The following CNKSR2 variants were observed in gnomAD, a reference collection of about 807,000 sequenced individuals.
The protein encoded by CNKSR2 is CNK homolog protein 2.
In CNKSR2, 14 loss-of-function variants were observed where a neutral mutation model predicts 84.4. The observed-to-expected ratio is 0.17, with a 90% CI of 0.11 to 0.26. The LOEUF is 0.26. Among genes scored for constraint, CNKSR2 ranks in the 10% least tolerant of loss-of-function variants. The pLI is 1.00. For synonymous variants in CNKSR2, 275 were observed against 277.9 expected, an observed-to-expected ratio of 0.99 and a Z score of 0.10; for missense variants, 485 against 771.2, an observed-to-expected ratio of 0.63 and a Z score of 4.40.
chrX:21,571,446 T>A (rs1436262303), intron 13 of CNKSR2, among the ~76,000 whole-genome samples: 1 of 112,084 alleles, frequency 8.9e-6, no homozygotes, highest in Non-Finnish European at 1.9e-5. Flanking sequence ...CCACTGCTAA[T>A]ATTACTAATA....
chrX:21,377,086 G>A (rs113631917), intron 1 of CNKSR2, among the ~76,000 whole-genome samples: 6 of 111,795 alleles, frequency 5.4e-5, no homozygotes, highest in African/African-American at 1.6e-4. Flanking sequence ...TGTTGGTGAC[G>A]CATTTTAGAG....
intron 20 of CNKSR2, among the ~76,000 whole-genome samples, chrX:21,636,076 A>G (rs2092671459): frequency 1.8e-5 from 2 of 111,375 alleles, no homozygotes; most frequent in Non-Finnish European, 3.8e-5. Context: ...GGAAATAGGC[A>G]AGAAAACTAT....
intron 6 of CNKSR2, chrX:21,493,847 T>C (rs1490234795): frequency 2.7e-5 from 3 of 111,873 alleles, no homozygotes; most frequent in Non-Finnish European, 3.8e-5. Context: ...GAAGTCAGTT[T>C]TGATTATTAA....
At chrX:21,586,028 A>G (rs1190939412) in intron 13 of CNKSR2, among the ~76,000 whole-genome samples, 1 of 111,224 alleles carries the variant, frequency 9.0e-6, no homozygotes, top group Non-Finnish European at 1.9e-5. Flanking sequence ...AATAAAAGAT[A>G]TGGTCATGGT....
intron 11 of CNKSR2, among the ~76,000 whole-genome samples, chrX:21,539,290 A>T (rs895768930): frequency 4.5e-5 from 5 of 110,679 alleles, no homozygotes; most frequent in Non-Finnish European, 7.6e-5. Flanking sequence ...TCTATTGTTG[A>T]AGTTCTCAGT....
intron 1 of CNKSR2, among the ~76,000 whole-genome samples, chrX:21,375,335 C>G (rs1425904859): frequency 1.8e-5 from 2 of 112,713 alleles, no homozygotes; most frequent in Admixed American, 1.8e-4. Flanking sequence ...GGACCTGCTC[C>G]CCTGGTCGCC....
intron 9 of CNKSR2, among the ~76,000 whole-genome samples, chrX:21,520,852 TCTC>T (rs2091776341): frequency 9.1e-6 from 1 of 110,447 alleles, no homozygotes; most frequent in African/African-American, 3.3e-5. Context: ...TTTATAAATC[TCTC>T]ATTTTGCTGC....
intron 4 of CNKSR2, among the ~76,000 whole-genome samples, chrX:21,460,425 G>A (rs1269411398): frequency 4.5e-5 from 5 of 110,860 alleles, no homozygotes; most frequent in Admixed American, 9.6e-5. Flanking sequence ...TTGTGGATAC[G>A]TAGTAAGCAT....
At position 21,380,984 on chromosome X, in the gene CNKSR2, C is replaced by G. The variant is rs377310599; in HGVS notation, c.64+6023C>G. Among the ~76,000 whole-genome samples, 332 of 111,703 alleles carry G rather than the reference C, an allele frequency of 3.0e-3. 2 individuals are homozygous for G. The highest frequency in any genetic ancestry group is 0.014 in the South Asian group (37 of 2,669). On this transcript the variant is annotated intron_variant, in intron 1 of 21. Transcript: ENST00000379510. ...TTATTGTTTAGTGTCTGATTAAAAA[C>G]AGCAAGTATAGTCTTCAATGTGGAA...
At chrX:21,588,189 A>G (rs985563608) in intron 13 of CNKSR2, among the ~76,000 whole-genome samples, 1 of 112,217 alleles carries the variant, frequency 8.9e-6, no homozygotes, top group African/African-American at 3.2e-5. Context: ...AGGCAAGTGA[A>G]TAATCAGTGC....
At chrX:21,561,291 T>C (rs2092186430) in intron 11 of CNKSR2, among the ~76,000 whole-genome samples, 180 bp from the exon 12 acceptor site, 1 of 111,232 alleles carries the variant, frequency 9.0e-6, no homozygotes, top group Admixed American at 9.6e-5. Context: ...CTTTATCACC[T>C]GGCCAATAGG....
chrX:21,397,966 C>T (rs1019468953), intron 1 of CNKSR2, among the ~76,000 whole-genome samples: 1 of 111,579 alleles, frequency 9.0e-6, no homozygotes, highest in African/African-American at 3.3e-5. Context: ...TTGATGTCCT[C>T]CTTTTGTACC....
intron 7 of CNKSR2, 163 bp from the exon 8 acceptor site, chrX:21,501,357 G>C (rs2091558116): frequency 3.3e-6 from 1 of 301,061 alleles, no homozygotes; most frequent in Non-Finnish European, 6.0e-6. Context: ...GGTAAAAACA[G>C]TGTATTAAAT....
rs181760809 is a variant in CNKSR2 at position 21,392,018 on chromosome X, T to A, written c.64+17057T>A. On this transcript the variant is annotated intron_variant, in intron 1 of 21. Coordinates refer to ENST00000379510, the MANE Select transcript of CNKSR2 (RefSeq NM_014927.5). ...GAGCAGGGGCATAATGCTGCCAGTC[T>A]CCTTGGTAAAGCATTGCAAGAGTGA... 1.1e-4 allele frequency among the ~76,000 whole-genome samples: 12 copies of A among 112,213 alleles called. No individual in the cohort carries two copies. In the East Asian group the frequency reaches 2.3e-3, roughly 21 times the overall value.
intron 1 of CNKSR2, among the ~76,000 whole-genome samples, chrX:21,379,645 T>TA (rs2089869422): frequency 8.9e-6 from 1 of 112,200 alleles, no homozygotes; most frequent in South Asian, 3.7e-4. Context: ...GCTCCATAGA[T>TA]ATTATTTTCT....
At chrX:21,558,162 A>G (rs1170991329) in intron 11 of CNKSR2, among the ~76,000 whole-genome samples, 1 of 111,189 alleles carries the variant, frequency 9.0e-6, no homozygotes, top group African/African-American at 3.2e-5. Flanking sequence ...ACATATTTTC[A>G]AGCTGTAATC....
chrX:21,501,221 G>A (rs2091555785), intron 7 of CNKSR2, among the ~76,000 whole-genome samples: 1 of 110,541 alleles, frequency 9.0e-6, no homozygotes, highest in Non-Finnish European at 1.9e-5. Flanking sequence ...TCTCAGAAAC[G>A]TGTTCTTTTA....
chrX:21,583,956 TAAG>T (rs2092369460), intron 13 of CNKSR2, among the ~76,000 whole-genome samples: 1 of 112,142 alleles, frequency 8.9e-6, no homozygotes, highest in Non-Finnish European at 1.9e-5. Flanking sequence ...TCGCCATGGT[TAAG>T]AAGATCAAAA....
chrX:21,635,652 C>A (rs983420513), intron 20 of CNKSR2, among the ~76,000 whole-genome samples: 2 of 109,229 alleles, frequency 1.8e-5, no homozygotes, highest in African/African-American at 6.6e-5. Flanking sequence ...CCCAAAGAAG[C>A]TGAGCAGTAA....
Sources: gnomAD v4.1 joint callset for allele counts (sites outside exome capture counted in the v4.1 genomes callset) on GRCh38, gnomAD v4.1.1 for gene constraint, MANE v1.5 for transcripts, NCBI Gene and HGNC (gene_info 2026-07-23, HGNC 2026-07-21) for gene names.